TENM4: variants seen among roughly 807,000 people sequenced by gnomAD.
TENM4 encodes teneurin transmembrane protein 4.
Under a neutral mutation model 243.3 loss-of-function variants are expected in TENM4, and 82 were observed. The ratio of observed to expected loss-of-function variants is 0.34; its 90% CI spans 0.28 to 0.40. The LOEUF is 0.40. Among genes scored for constraint, TENM4 ranks in the 10% least tolerant of loss-of-function variants. TENM4 has a pLI of 1.00. For synonymous variants in TENM4, 1,412 were observed against 1,456.3 expected, an observed-to-expected ratio of 0.97 and a Z score of 0.69; for missense variants, 3,138 against 3,673.3, an observed-to-expected ratio of 0.85 and a Z score of 3.77.
At chr11:78,872,053 T>C (rs1396883880) in intron 9 of TENM4, among the ~76,000 whole-genome samples, 5 of 152,144 alleles carry the variant, frequency 3.3e-5, no homozygotes, top group Non-Finnish European at 7.4e-5. Context: ...AGATAAGTAG[T>C]ACATATTACT....
chr11:79,386,746 T>G (rs1356822593), intron 1 of TENM4, among the ~76,000 whole-genome samples: 2 of 112,050 alleles, frequency 1.8e-5, no homozygotes, highest in Non-Finnish European at 4.0e-5. Flanking sequence ...GGCCGTTGAG[T>G]TCATTTTTTT....
intron 4 of TENM4, among the ~76,000 whole-genome samples, chr11:79,075,658 C>A (rs1395042488): frequency 6.6e-6 from 1 of 152,210 alleles, no homozygotes; most frequent in African/African-American, 2.4e-5. Context: ...TCATTGTAGG[C>A]CTCAGGCTAA....
At chr11:79,260,050 A>C (rs1287229803) in intron 2 of TENM4, among the ~76,000 whole-genome samples, 13 of 152,230 alleles carry the variant, frequency 8.5e-5, no homozygotes, top group Admixed American at 7.9e-4. Flanking sequence ...GGCTTTTTAT[A>C]TGGAGGTTAC....
chr11:79,438,899 G>T lies in TENM4; in HGVS notation c.-321+1610C>A, dbSNP rs965564418. The T allele has an allele frequency of 6.6e-6, 1 of 152,132 alleles. No homozygotes were observed. Among genetic ancestry groups the T allele is most frequent in the Non-Finnish European group, 1.5e-5 (1 of 68,050 alleles). 9.4% of individuals were successfully genotyped at this position (152,132 alleles called of 1,614,324 possible). On this transcript the variant is annotated intron_variant, in intron 1 of 33. Coordinates refer to ENST00000278550, the MANE Select transcript of TENM4 (RefSeq NM_001098816.3). This position sits in a 1 kb window ranked among gnomAD's most constrained non-coding sequence, Gnocchi z 4.1. ...GCACCCGACGCCCATCGCACAAGTG[G>T]GCGCCGTGGTGCGAGGCGTATCCTA...
intron 30 of TENM4, among the ~76,000 whole-genome samples, chr11:78,673,610 C>T (rs368890521): frequency 6.6e-6 from 1 of 152,170 alleles, no homozygotes; most frequent in Non-Finnish European, 1.5e-5. Context: ...TTCCCCTATC[C>T]GAGTCTCAGT....
chr11:78,960,454 T>C (rs535079143), intron 6 of TENM4, among the ~76,000 whole-genome samples: 2 of 152,278 alleles, frequency 1.3e-5, no homozygotes, highest in South Asian at 4.2e-4. Context: ...CTCAAGCCAG[T>C]TCTCAGAAGA....
In TENM4 at chr11:79,363,489, G is replaced by A. The variant is rs1482030120; in HGVS notation, c.-320-65946C>T. Reference sequence around the variant, plus strand: ...TGGCTGTGCCACTTCCCAGCTGTGTGGTATCGGTGCAGTCTGTTGTGACTA... The same window carrying A: ...TGGCTGTGCCACTTCCCAGCTGTGTAGTATCGGTGCAGTCTGTTGTGACTA... On this transcript the variant is annotated intron_variant, in intron 1 of 33. Coordinates refer to ENST00000278550, the MANE Select transcript of TENM4 (RefSeq NM_001098816.3). 4.6e-5 allele frequency among the ~76,000 whole-genome samples: 7 copies of A among 152,276 alleles called. No individual in the cohort carries two copies. In the East Asian group the frequency reaches 1.4e-3, roughly 29 times the overall value.
chr11:78,971,168 T>A (rs796424858), intron 6 of TENM4, among the ~76,000 whole-genome samples: 23 of 152,174 alleles, frequency 1.5e-4, no homozygotes, highest in African/African-American at 5.1e-4. Flanking sequence ...GGATCATAGG[T>A]GTGAGCCAAG....
intron 1 of TENM4, among the ~76,000 whole-genome samples, chr11:79,429,114 T>C (rs551561856): frequency 2.6e-5 from 4 of 152,286 alleles, no homozygotes; most frequent in South Asian, 4.2e-4. Flanking sequence ...ATCATTCTCA[T>C]TTTTAACATG....
chr11:78,771,783 A>G (rs1391874930), intron 17 of TENM4, among the ~76,000 whole-genome samples: 1 of 152,230 alleles, frequency 6.6e-6, no homozygotes, highest in Admixed American at 6.5e-5. Flanking sequence ...CCCTGCACCC[A>G]GAGGAGCTGT....
At chr11:79,173,759 G>A (rs957168992) in intron 3 of TENM4, among the ~76,000 whole-genome samples, 7 of 152,148 alleles carry the variant, frequency 4.6e-5, no homozygotes, top group Non-Finnish European at 1.5e-5. Context: ...TCTGGGACTC[G>A]AGAAGTGAAA....
chr11:79,345,408 A>G (rs1333437026), intron 1 of TENM4, among the ~76,000 whole-genome samples: 3 of 152,218 alleles, frequency 2.0e-5, no homozygotes, highest in Non-Finnish European at 4.4e-5. Context: ...ATTAAATTCC[A>G]TGTTATTTGA....
chr11:79,379,336 T>C (rs1184680006), intron 1 of TENM4, among the ~76,000 whole-genome samples: 1 of 152,144 alleles, frequency 6.6e-6, no homozygotes, highest in Non-Finnish European at 1.5e-5. Context: ...TAAACCTACT[T>C]TGAGGGTTTT....
At chr11:79,310,160 C>G (rs1213317706) in intron 1 of TENM4, among the ~76,000 whole-genome samples, 4 of 152,184 alleles carry the variant, frequency 2.6e-5, no homozygotes, top group African/African-American at 9.7e-5. Flanking sequence ...AGGAGGTACT[C>G]TAGAAACAGA....
chr11:79,434,299 C>T (rs1590964250), intron 1 of TENM4, among the ~76,000 whole-genome samples: 1 of 152,146 alleles, frequency 6.6e-6, no homozygotes, highest in South Asian at 2.1e-4. Flanking sequence ...TGCCATACAG[C>T]AGGTGGAGAT....
At chr11:78,689,856 A>G (rs1858776143) in intron 28 of TENM4, among the ~76,000 whole-genome samples, 1 of 152,158 alleles carries the variant, frequency 6.6e-6, no homozygotes, top group Non-Finnish European at 1.5e-5. Context: ...GGTCTTCTGA[A>G]TATATCACCC....
At chr11:79,104,028 C>A (rs2137085309) in intron 4 of TENM4, among the ~76,000 whole-genome samples, 1 of 152,264 alleles carries the variant, frequency 6.6e-6, no homozygotes, top group East Asian at 1.9e-4. Context: ...CACCCCTATC[C>A]CAGATTTCAT....
intron 1 of TENM4, among the ~76,000 whole-genome samples, chr11:79,307,508 T>C (rs72933026): frequency 0.021 from 3,201 of 152,188 alleles, 60 homozygotes; most frequent in Non-Finnish European, 0.027. Flanking sequence ...ACCATCTCTG[T>C]TTCTACTACC....
intron 3 of TENM4, among the ~76,000 whole-genome samples, chr11:79,156,532 C>T (rs1862619782): frequency 6.6e-6 from 1 of 152,188 alleles, no homozygotes; most frequent in South Asian, 2.1e-4. Flanking sequence ...TCACCCTCAT[C>T]TTTCCCTGAG....
Sources: allele counts gnomAD v4.1 joint callset (sites outside exome capture counted in the v4.1 genomes callset), GRCh38; gene constraint gnomAD v4.1.1; non-coding constraint Gnocchi (gnomAD v3.1); transcripts MANE v1.5; gene names NCBI Gene and HGNC (gene_info 2026-07-23, HGNC 2026-07-21).